Variants in RXRA observed in about 807,000 individuals in gnomAD.
RXRA encodes retinoid X receptor alpha, also known as retinoic acid receptor RXR-alpha.
A neutral mutation model predicts 44.5 loss-of-function variants in RXRA; 5 were observed. The ratio of observed to expected loss-of-function variants is 0.11; its 90% CI spans 0.06 to 0.24. The LOEUF is 0.24. Among genes scored for constraint, RXRA ranks in the 10% least tolerant of loss-of-function variants. The pLI, the probability that RXRA is intolerant of heterozygous loss-of-function variation, is 1.00. For synonymous variants in RXRA, 291 were observed against 271.4 expected (o/e 1.07, Z -0.71); for missense variants, 412 against 646.5 (o/e 0.64, Z 3.93).
chr9:134,369,325 T>TG (rs149183008), intron 1 of RXRA, among the ~76,000 whole-genome samples: 13 of 45,922 alleles, frequency 2.8e-4, no homozygotes, highest in Non-Finnish European at 3.8e-4. Context: ...GTTGTGTGTG[T>TG]GGGGGGGGTT....
chr9:134,381,538 G>A (rs1182549811), intron 1 of RXRA, among the ~76,000 whole-genome samples: 1 of 152,132 alleles, frequency 6.6e-6, no homozygotes, highest in African/African-American at 2.4e-5. Flanking sequence ...GAGAGGGGCT[G>A]GTGGAGATGG....
Position 134,417,080 on chromosome 9 carries a change from C to T in RXRA, c.611-78C>T. 1 of 1,481,992 alleles carries T rather than the reference C, an allele frequency of 6.7e-7. No homozygotes were observed. Among genetic ancestry groups the T allele is most frequent in the Non-Finnish European group, 9.0e-7 (1 of 1,106,208 alleles). 91.8% of individuals were successfully genotyped at this position (1,481,992 alleles called of 1,614,324 possible). ...GGGTGAGTTGGCTGGGAGCTGGCACCACCCGGCCAGGACAGCCTTCCCTGG... is the reference window on the plus strand; with the variant it reads ...GGGTGAGTTGGCTGGGAGCTGGCACTACCCGGCCAGGACAGCCTTCCCTGG... On this transcript the variant is annotated intron_variant, in intron 4 of 9. Coordinates refer to ENST00000481739, the MANE Select transcript of RXRA (RefSeq NM_002957.6). The surrounding 1 kb of genome is among the most constrained non-coding windows in gnomAD (Gnocchi z 6.1).
intron 1 of RXRA, among the ~76,000 whole-genome samples, chr9:134,363,782 G>A (rs1830381853): frequency 6.6e-6 from 1 of 152,216 alleles, no homozygotes; most frequent in Non-Finnish European, 1.5e-5. Flanking sequence ...GGGGACCCCA[G>A]GGCCGGAGGT....
intron 1 of RXRA, among the ~76,000 whole-genome samples, chr9:134,359,642 G>A (rs1054667608): frequency 6.6e-6 from 1 of 152,150 alleles, no homozygotes; most frequent in Non-Finnish European, 1.5e-5. Context: ...CACCTGCATT[G>A]TTTTCCCTCC....
chr9:134,423,374 G>T (rs1831380358), intron 6 of RXRA: 1 of 985,348 alleles, frequency 1.0e-6, no homozygotes, highest in South Asian at 4.7e-5. Context: ...CGCCGCCTCA[G>T]CCCGACTGGG....
intron 7 of RXRA, 145 bp from the exon 8 acceptor site, chr9:134,431,760 G>T (rs1831535577): frequency 3.3e-6 from 2 of 606,510 alleles, no homozygotes; most frequent in Non-Finnish European, 5.8e-6. Context: ...CTCTCGGGGT[G>T]TCTGGGAGTC....
Position 134,421,669 on chromosome 9 carries a change from A to G in RXRA, c.781-7A>G. On this transcript the variant is annotated splice_polypyrimidine_tract_variant and splice_region_variant and intron_variant, in intron 5 of 9. Transcript: ENST00000481739. ...CTGAATGTCCTGCTCTTCTTCCTCC[A>G]CTGCAGCCGAACGACCCTGTCACCA... 1.9e-6 allele frequency: 3 copies of G among 1,557,584 alleles called. No homozygotes were observed. Among genetic ancestry groups the G allele is most frequent in the Non-Finnish European group, 1.7e-6 (2 of 1,146,950 alleles).
intron 1 of RXRA, among the ~76,000 whole-genome samples, chr9:134,330,135 TC>T (rs1834980377): frequency 6.6e-6 from 1 of 152,160 alleles, no homozygotes; most frequent in Non-Finnish European, 1.5e-5. Flanking sequence ...GCAATGCCTG[TC>T]CTCTGGAGAA....
Position 134,336,179 on chromosome 9 carries a change from G to A in RXRA, c.28+9520G>A, listed in dbSNP as rs568070499. ...GGCGGGCCTGGCAGGCAGCACCACC[G>A]CACCATCCCGGGCCCAGTGGAGGGG... On this transcript the variant is annotated intron_variant, in intron 1 of 9. Transcript: ENST00000481739. 3.1e-4 allele frequency among the ~76,000 whole-genome samples: 47 copies of A among 152,298 alleles called. No individual in the cohort carries two copies. The East Asian group carries it at 7.5e-3, about 24-fold the overall frequency.
chr9:134,388,646 G>T (rs73554182), intron 1 of RXRA, among the ~76,000 whole-genome samples: 3,914 of 152,314 alleles, frequency 0.026, 176 homozygotes, highest in African/African-American at 0.09. Context: ...TGTGAGTCAG[G>T]CGCATGGAAG....
At chr9:134,401,130 C>T (rs1830952139) in intron 1 of RXRA, among the ~76,000 whole-genome samples, 1 of 152,242 alleles carries the variant, frequency 6.6e-6, no homozygotes, top group Non-Finnish European at 1.5e-5. Flanking sequence ...CTCCCAAATC[C>T]ACGAATTTAC....
chr9:134,371,709 C>T (rs1422645362), intron 1 of RXRA, among the ~76,000 whole-genome samples: 3 of 152,170 alleles, frequency 2.0e-5, no homozygotes, highest in Non-Finnish European at 2.9e-5. Flanking sequence ...GGGTGGCGTG[C>T]GCCCCCTTGA....
intron 8 of RXRA, 76 bp from the exon 9 acceptor site, chr9:134,434,026 C>A: frequency 1.8e-6 from 2 of 1,126,074 alleles, no homozygotes; most frequent in South Asian, 1.3e-5. Flanking sequence ...AGACCCCACA[C>A]AAGCCTGGGT....
chr9:134,332,815 C>T (rs73567668), intron 1 of RXRA, among the ~76,000 whole-genome samples: 11,910 of 152,200 alleles, frequency 0.078, 528 homozygotes, highest in Admixed American at 0.15. Flanking sequence ...CCAGGTGGCT[C>T]ACTGGTTTCA....
chr9:134,388,183 T>C (rs1469995061), intron 1 of RXRA, among the ~76,000 whole-genome samples: 2 of 152,068 alleles, frequency 1.3e-5, no homozygotes, highest in East Asian at 1.9e-4. Flanking sequence ...GAAAATATCC[T>C]AGGCTGTTAG....
chr9:134,421,741 G>A lies in RXRA; in HGVS notation c.846G>A (p.Trp282Ter). 1 of 1,599,826 alleles carries A rather than the reference G, an allele frequency of 6.3e-7. No homozygotes were observed. Among genetic ancestry groups the A allele is most frequent in the Non-Finnish European group, 8.6e-7 (1 of 1,169,322 alleles). The change falls in exon 6 of 10, where the codon TGG becomes TGA. Residue 282 changes from tryptophan to a stop codon, truncating the protein, a stop_gained. Transcript: ENST00000481739. LOFTEE classifies it high-confidence loss of function. ...ADKQLFTLVEWAKRIPHFSEL... is the reference protein window; with the variant it reads ...ADKQLFTLVE ...AACAGCTTTTCACCCTGGTGGAGTG[G>A]GCCAAGCGGATCCCACACTTCTCAG...
intron 1 of RXRA, chr9:134,373,897 A>C (rs1830520044): frequency 6.6e-6 from 1 of 152,128 alleles, no homozygotes; most frequent in South Asian, 2.1e-4. Flanking sequence ...CTAGACGTGA[A>C]CTCCTGGGCT....
chr9:134,348,163 C>T (rs1588256179), intron 1 of RXRA, among the ~76,000 whole-genome samples: 2 of 152,190 alleles, frequency 1.3e-5, no homozygotes, highest in African/African-American at 4.8e-5. Flanking sequence ...GTGCCAGGCG[C>T]GGCAGTTGCG....
chr9:134,363,682 C>T (rs767951044), intron 1 of RXRA, among the ~76,000 whole-genome samples: 1 of 152,212 alleles, frequency 6.6e-6, no homozygotes, highest in Admixed American at 6.5e-5. Context: ...CACGGTTTGG[C>T]TGCTGTCTGC....
Sources: gnomAD v4.1 joint callset for allele counts (sites outside exome capture counted in the v4.1 genomes callset) on GRCh38, gnomAD v4.1.1 for gene constraint, Gnocchi (gnomAD v3.1) non-coding constraint, MANE v1.5 for transcripts, NCBI Gene and HGNC (gene_info 2026-07-23, HGNC 2026-07-21) for gene names.